RERE: variants seen among roughly 807,000 people sequenced by gnomAD.
RERE encodes arginine-glutamic acid dipeptide repeats, also known as arginine-glutamic acid dipeptide repeats protein.
In RERE, 40 loss-of-function variants were observed where a neutral mutation model predicts 146.1. The ratio of observed to expected loss-of-function variants is 0.27; its 90% CI spans 0.21 to 0.36. RERE has a LOEUF of 0.36. Ranked by LOEUF, RERE falls within the 10% of genes least tolerant of loss-of-function variation. The pLI is 1.00. For missense variants in RERE, 1,933 were observed against 2,138.7 expected (o/e 0.90, Z 1.90); for synonymous variants, 1,003 against 866.0 (o/e 1.16, Z -2.78).
At chr1:8,532,784 C>T (rs1256452358) in intron 7 of RERE, among the ~76,000 whole-genome samples, 3 of 152,208 alleles carry the variant, frequency 2.0e-5, no homozygotes, top group African/African-American at 4.8e-5. Context: ...TTAGTAGAGA[C>T]GGGGTTTCCC....
At chr1:8,765,565 T>C (rs1640830547) in intron 1 of RERE, among the ~76,000 whole-genome samples, 2 of 152,158 alleles carry the variant, frequency 1.3e-5, no homozygotes, top group South Asian at 2.1e-4. Context: ...ATGTCTGTAA[T>C]ACCAGCACTT....
chr1:8,670,370 T>C (rs1338143120), intron 1 of RERE, among the ~76,000 whole-genome samples: 1 of 152,178 alleles, frequency 6.6e-6, no homozygotes, highest in Non-Finnish European at 1.5e-5. Context: ...TTTCAGCAAA[T>C]GTTTACTGAG....
chr1:8,550,828 G>A (rs548098880), intron 6 of RERE, among the ~76,000 whole-genome samples: 6 of 152,168 alleles, frequency 3.9e-5, no homozygotes, highest in Admixed American at 2.0e-4. Flanking sequence ...GATTACAGGC[G>A]TGAGCCACCG....
intron 1 of RERE, among the ~76,000 whole-genome samples, chr1:8,698,102 ATGT>A (rs925397552): frequency 4.6e-5 from 7 of 152,250 alleles, no homozygotes; most frequent in Non-Finnish European, 1.0e-4. Context: ...CATTTTTTAA[ATGT>A]TTAAAATTAT....
At chr1:8,559,280 C>CAAAAAAAAAAAAAAAAAAA (rs548075266) in intron 4 of RERE, among the ~76,000 whole-genome samples, 45 of 12,062 alleles carry the variant, frequency 3.7e-3, no homozygotes, top group East Asian at 7.4e-3. Context: ...AACTCCAGCT[C>CAAAAAAAAAAAAAAAAAAA]AAAAAAAAAA....
chr1:8,443,105 T>G (rs891542389), intron 11 of RERE, among the ~76,000 whole-genome samples: 2 of 152,196 alleles, frequency 1.3e-5, no homozygotes, highest in Non-Finnish European at 2.9e-5. Context: ...TTGGAATTTA[T>G]ACTTAAAAGG....
At chr1:8,475,781 C>A (rs1334376828) in intron 10 of RERE, among the ~76,000 whole-genome samples, 2 of 151,946 alleles carry the variant, frequency 1.3e-5, no homozygotes, top group South Asian at 4.2e-4. Flanking sequence ...TAACCTAGTG[C>A]CAAGTCAATA....
Position 8,638,783 on chromosome 1 carries a change from A to ATTTTTTTTTT in RERE, c.326-14413_326-14404dup, listed in dbSNP as rs34276909. On this transcript the variant is annotated intron_variant, in intron 2 of 22. Transcript: ENST00000400908. Reference sequence around the variant, plus strand: ...GAAGGAAACTCATAGACGAAAAAAAATTTTTTTTTTTTTTTTTTTTTTTTT... The same window carrying ATTTTTTTTTT: ...GAAGGAAACTCATAGACGAAAAAAAATTTTTTTTTTTTTTTTTTTTTTTTTTTTTTTTTTT... Among the ~76,000 whole-genome samples, 56 of 100,326 alleles carry ATTTTTTTTTT rather than the reference A, an allele frequency of 5.6e-4. 2 individuals are homozygous for ATTTTTTTTTT. Among genetic ancestry groups the ATTTTTTTTTT allele is most frequent in the African/African-American group, 2.3e-3 (54 of 23,854 alleles). The allele number at this position is 100,326 out of a possible 152,430, so 65.8% of individuals were successfully genotyped here. A position where few individuals can be genotyped will look rare whatever the true frequency, so the allele number is the denominator to read the frequency against.
intron 1 of RERE, among the ~76,000 whole-genome samples, chr1:8,780,938 G>C (rs1641152508): frequency 6.6e-6 from 1 of 151,984 alleles, no homozygotes; most frequent in Non-Finnish European, 1.5e-5. Context: ...AAAGAACCAT[G>C]AGGCCAGGCG....
intron 1 of RERE, among the ~76,000 whole-genome samples, chr1:8,662,776 T>G (rs775137273): frequency 1.3e-5 from 2 of 152,220 alleles, no homozygotes; most frequent in African/African-American, 2.4e-5. Context: ...CTGGGGATAC[T>G]GGACTGAGAA....
At chr1:8,733,524 G>A (rs1212604613) in intron 1 of RERE, among the ~76,000 whole-genome samples, 1 of 152,148 alleles carries the variant, frequency 6.6e-6, no homozygotes, top group East Asian at 1.9e-4. Flanking sequence ...GGAAAGCCAG[G>A]TGCAGTATCA....
chr1:8,796,392 T>A (rs970531882), intron 1 of RERE, among the ~76,000 whole-genome samples: 2 of 151,638 alleles, frequency 1.3e-5, no homozygotes, highest in East Asian at 1.9e-4. Context: ...AATCTCCCTA[T>A]GAAAAGCTGA....
chr1:8,464,254 T>C (rs1222446758), intron 11 of RERE, among the ~76,000 whole-genome samples: 1 of 152,176 alleles, frequency 6.6e-6, no homozygotes, highest in African/African-American at 2.4e-5. Flanking sequence ...CCTAGGGCCA[T>C]TTCAGTGCAT....
intron 1 of RERE, among the ~76,000 whole-genome samples, chr1:8,754,472 T>C (rs768363209): frequency 5.3e-5 from 8 of 152,232 alleles, no homozygotes; most frequent in Admixed American, 3.3e-4. Flanking sequence ...AAGATATTTG[T>C]TCTTGCCTTA....
intron 12 of RERE, among the ~76,000 whole-genome samples, chr1:8,385,027 G>A (rs544527287): frequency 6.6e-6 from 1 of 152,312 alleles, no homozygotes; most frequent in South Asian, 2.1e-4. Flanking sequence ...TCTGCAGGGC[G>A]ATTTCTGCCA....
intron 4 of RERE, among the ~76,000 whole-genome samples, chr1:8,580,971 G>C (rs879370730): frequency 1.1e-4 from 16 of 152,134 alleles, no homozygotes; most frequent in Non-Finnish European, 2.1e-4. Flanking sequence ...CAAAGTGCTG[G>C]GATTACAGGT....
chr1:8,547,551 C>G (rs1557681654), intron 6 of RERE, among the ~76,000 whole-genome samples: 1 of 151,780 alleles, frequency 6.6e-6, no homozygotes, highest in South Asian at 2.1e-4. Context: ...AAAAGTAAAA[C>G]AAAAAGAAAA....
chr1:8,568,177 G>A (rs1646174726), intron 4 of RERE, among the ~76,000 whole-genome samples: 1 of 152,160 alleles, frequency 6.6e-6, no homozygotes, highest in Non-Finnish European at 1.5e-5. Context: ...CTCTCCAAGA[G>A]CTAAGACACC....
chr1:8,531,446 A>C lies in RERE; in HGVS notation c.830+9768T>G, dbSNP rs535576508. Among the ~76,000 whole-genome samples, 6 of 143,770 alleles carry C rather than the reference A, an allele frequency of 4.2e-5. No individual in the cohort carries two copies. The East Asian group carries it at 7.9e-4, about 19-fold the overall frequency. The allele number at this position is 143,770 out of a possible 152,430, so 94.3% of individuals were successfully genotyped here. On this transcript the variant is annotated intron_variant, in intron 7 of 22. Coordinates refer to ENST00000400908, the MANE Select transcript of RERE (RefSeq NM_001042681.2). ...CAACAGAGCGAGACTCCACCTCAAC[A>C]AAAAAAAAAAACACAACACAAAACA...
Sources: gnomAD v4.1 joint callset for allele counts (sites outside exome capture counted in the v4.1 genomes callset) on GRCh38, gnomAD v4.1.1 for gene constraint, MANE v1.5 for transcripts, NCBI Gene and HGNC (gene_info 2026-07-23, HGNC 2026-07-21) for gene names.